The following PCDHGA6 variants were observed in gnomAD, a reference collection of about 807,000 sequenced individuals.
PCDHGA6 encodes protocadherin gamma subfamily A, 6, also known as protocadherin gamma-A6.
PCDHGA6 carries 41 observed loss-of-function variants against 60.6 expected under a neutral mutation model. That is an observed-to-expected ratio of 0.68 (90% CI 0.53 to 0.88). PCDHGA6 has a LOEUF of 0.88. Ranked by LOEUF, PCDHGA6 falls within the 40% of genes least tolerant of loss-of-function variation. The pLI is 0.00. For missense variants in PCDHGA6, 1,312 were observed against 1,203.0 expected (o/e 1.09, Z -1.34); for synonymous variants, 594 against 524.4 (o/e 1.13, Z -1.81).
chr5:141,476,483 G>T lies in PCDHGA6; in HGVS notation c.2425-18324G>T. On this transcript the variant is annotated intron_variant, in intron 1 of 3. Coordinates refer to ENST00000517434, the MANE Select transcript of PCDHGA6 (RefSeq NM_018919.3). The surrounding 1 kb of genome is among the most constrained non-coding windows in gnomAD (Gnocchi z 7.6). ...CCCGCTGGAGCTGTTCAGCGTGGAA[G>T]TGGTGATCCAGGACATCAACGACAA... 6.2e-7 allele frequency: 1 copy of T among 1,614,166 alleles called. No homozygotes were observed. The highest frequency in any genetic ancestry group is 8.5e-7 in the Non-Finnish European group (1 of 1,180,034).
Position 141,490,526 on chromosome 5 carries a change from C to T in PCDHGA6, c.2425-4281C>T, listed in dbSNP as rs1270447529. 6.2e-7 allele frequency: 1 copy of T among 1,614,116 alleles called. No homozygotes were observed. Among genetic ancestry groups the T allele is most frequent in the Non-Finnish European group, 8.5e-7 (1 of 1,180,008 alleles). ...ATCATCGAGCTGCTGGCCAGCGATGCTGGTTCACCTTCCCTACACAAACAT... is the reference window on the plus strand; with the variant it reads ...ATCATCGAGCTGCTGGCCAGCGATGTTGGTTCACCTTCCCTACACAAACAT... On this transcript the variant is annotated intron_variant, in intron 1 of 3. Coordinates refer to ENST00000517434, the MANE Select transcript of PCDHGA6 (RefSeq NM_018919.3). The surrounding 1 kb of genome is among the most constrained non-coding windows in gnomAD (Gnocchi z 5.4).
intron 1 of PCDHGA6, chr5:141,392,848 A>C (rs374832992): frequency 1.2e-6 from 2 of 1,610,796 alleles, no homozygotes; most frequent in Non-Finnish European, 1.7e-6. Flanking sequence ...AGACGCGGCG[A>C]GCTGATCCTG....
At chr5:141,404,287 C>A in intron 1 of PCDHGA6, 1 of 1,613,976 alleles carries the variant, frequency 6.2e-7, no homozygotes, top group Non-Finnish European at 8.5e-7. Flanking sequence ...TGACTGACAT[C>A]AATGATAATC....
At chr5:141,433,261 A>G (rs761584659) in intron 1 of PCDHGA6, 4 of 1,344,710 alleles carry the variant, frequency 3.0e-6, no homozygotes, top group Non-Finnish European at 4.1e-6. Context: ...CGGTACGATC[A>G]TAGCTCACTG....
At chr5:141,462,035 C>T (rs35674654) in intron 1 of PCDHGA6, among the ~76,000 whole-genome samples, 14,886 of 152,176 alleles carry the variant, frequency 0.098, 964 homozygotes, top group Non-Finnish European at 0.14. Context: ...GTTGGTCAGG[C>T]GGGTCTTGAA....
chr5:141,491,136 G>A lies in PCDHGA6; in HGVS notation c.2425-3671G>A, dbSNP rs769904518. On this transcript the variant is annotated intron_variant, in intron 1 of 3. Coordinates refer to ENST00000517434, the MANE Select transcript of PCDHGA6 (RefSeq NM_018919.3). This position sits in a 1 kb window ranked among gnomAD's most constrained non-coding sequence, Gnocchi z 6.9. ...ACACTGGTGAGGTGCGCACAGCCCG[G>A]GCCTTACTGGAGGATGACTCTGACA... The A allele has an allele frequency of 2.4e-5, 38 of 1,614,030 alleles. 1 individual carries two copies. The South Asian group carries it at 4.1e-4, about 17-fold the overall frequency.
intron 1 of PCDHGA6, chr5:141,418,363 C>T (rs147423305): frequency 4.4e-4 from 703 of 1,613,984 alleles, no homozygotes; most frequent in Non-Finnish European, 5.5e-4. Flanking sequence ...ATTCGCTGAG[C>T]AAATACCAAC....
At position 141,431,776 on chromosome 5, in the gene PCDHGA6, C is replaced by A; in HGVS notation, c.2424+55269C>A. Reference sequence around the variant, plus strand: ...CCAAAGTCCTGATCACTGTTCTGGACGTGAACGACAATGCCCCAGAAGTGG... The same window carrying A: ...CCAAAGTCCTGATCACTGTTCTGGAAGTGAACGACAATGCCCCAGAAGTGG... On this transcript the variant is annotated intron_variant, in intron 1 of 3. Coordinates refer to ENST00000517434, the MANE Select transcript of PCDHGA6 (RefSeq NM_018919.3). The surrounding 1 kb of genome is among the most constrained non-coding windows in gnomAD (Gnocchi z 4.8). The A allele has an allele frequency of 6.2e-7, 1 of 1,614,228 alleles. No homozygotes were observed. The highest frequency in any genetic ancestry group is 8.5e-7 in the Non-Finnish European group (1 of 1,180,044).
At chr5:141,443,845 A>C (rs923351698) in intron 1 of PCDHGA6, among the ~76,000 whole-genome samples, 19 of 152,224 alleles carry the variant, frequency 1.2e-4, no homozygotes, top group Admixed American at 5.9e-4. Context: ...GGTAATATGG[A>C]AAGTCTGAAA....
At chr5:141,494,780 G>A (rs1314622459) in intron 1 of PCDHGA6, 27 bp from the exon 2 acceptor site, 13 of 1,613,898 alleles carry the variant, frequency 8.1e-6, no homozygotes, top group African/African-American at 1.3e-5. Context: ...CGGGTACTCA[G>A]CCCCTTTCCC....
At position 141,375,973 on chromosome 5, in the gene PCDHGA6, C is replaced by T. The variant is rs577451422; in HGVS notation, c.1890C>T (p.Arg630=). ...GLHTGEVRTA[R]ALLDRDALKQ... is the part of the protein sequence containing the mutation. ...ACACGGGCGAGGTGCGCACGGCGCG[C>T]GCCCTGCTGGACAGAGACGCGCTCA... is the stretch of plus-strand genomic sequence containing the variant. The change falls in exon 1 of 4, where the codon CGC becomes CGT. Residue 630 remains arginine (R), a synonymous_variant. Coordinates refer to ENST00000517434, the MANE Select transcript of PCDHGA6 (RefSeq NM_018919.3). 6 of 1,613,256 alleles carry T rather than the reference C, an allele frequency of 3.7e-6. No individual in the cohort carries two copies. The highest frequency in any genetic ancestry group is 4.2e-6 in the Non-Finnish European group (5 of 1,179,868).
At chr5:141,480,942 G>T (rs2099528600) in intron 1 of PCDHGA6, among the ~76,000 whole-genome samples, 3 of 152,132 alleles carry the variant, frequency 2.0e-5, no homozygotes, top group Non-Finnish European at 2.9e-5. Flanking sequence ...CTACTCTAGA[G>T]GCTGAGGCGG....
chr5:141,414,726 C>G (rs761022941), intron 1 of PCDHGA6: 5 of 1,614,196 alleles, frequency 3.1e-6, no homozygotes, highest in Non-Finnish European at 4.2e-6. Context: ...ACACTGGCGT[C>G]CTGTATGCAC....
intron 1 of PCDHGA6, chr5:141,409,789 G>T: frequency 6.2e-7 from 1 of 1,612,036 alleles, no homozygotes; most frequent in Non-Finnish European, 8.5e-7. Context: ...GCGCCTTCGC[G>T]CTCACGCTGC....
rs145025535 is a variant in PCDHGA6 at position 141,457,569 on chromosome 5, T to A, written c.2425-37238T>A. 2.5e-3 allele frequency among the ~76,000 whole-genome samples: 376 copies of A among 152,304 alleles called. 1 individual carries two copies. Among genetic ancestry groups the A allele is most frequent in the African/African-American group, 8.6e-3 (357 of 41,554 alleles). On this transcript the variant is annotated intron_variant, in intron 1 of 3. Transcript: ENST00000517434. Reference sequence around the variant, plus strand: ...TGTATGATAAGCTTTGGAGCAAAATTTTTCTCTCCAGTCCTCATTTTTGGT... The same window carrying A: ...TGTATGATAAGCTTTGGAGCAAAATATTTCTCTCCAGTCCTCATTTTTGGT...
At chr5:141,481,531 G>A (rs1342825952) in intron 1 of PCDHGA6, among the ~76,000 whole-genome samples, 2 of 152,206 alleles carry the variant, frequency 1.3e-5, no homozygotes, top group African/African-American at 4.8e-5. Context: ...AAAATCTAGA[G>A]ATGGGGCTGG....
intron 1 of PCDHGA6, among the ~76,000 whole-genome samples, chr5:141,446,128 G>A (rs1242643475): frequency 3.3e-5 from 5 of 152,188 alleles, no homozygotes; most frequent in Non-Finnish European, 7.3e-5. Flanking sequence ...GGTTCAATAA[G>A]ACTTAATAAT....
At chr5:141,422,872 C>T (rs773469060) in intron 1 of PCDHGA6, 19 of 1,614,134 alleles carry the variant, frequency 1.2e-5, no homozygotes, top group African/African-American at 2.7e-5. Flanking sequence ...CAACGTGTCG[C>T]TGAGCCTGTT....
intron 1 of PCDHGA6, chr5:141,389,975 CTCAGT>C: frequency 6.2e-7 from 1 of 1,614,060 alleles, no homozygotes; most frequent in South Asian, 1.1e-5. Flanking sequence ...TGGCCTTGAT[CTCAGT>C]GCTCTTCCTC....
Sources: allele counts gnomAD v4.1 joint callset (sites outside exome capture counted in the v4.1 genomes callset), GRCh38; gene constraint gnomAD v4.1.1; non-coding constraint Gnocchi (gnomAD v3.1); transcripts MANE v1.5; gene names NCBI Gene and HGNC (gene_info 2026-07-23, HGNC 2026-07-21).